Variants in CARF observed in about 807,000 individuals in gnomAD.
CARF encodes calcium responsive transcription factor, also known as calcium-responsive transcription factor.
A neutral mutation model predicts 82.0 loss-of-function variants in CARF; 57 were observed. The observed-to-expected ratio is 0.70, with a 90% CI of 0.56 to 0.87. The LOEUF (loss-of-function observed/expected upper bound fraction) is 0.87. CARF is among the 40% of genes least tolerant of loss of function. CARF has a pLI of 0.00. For synonymous variants in CARF, 268 were observed against 290.1 expected (o/e 0.92, Z 0.77); for missense variants, 771 against 855.8 (o/e 0.90, Z 1.24).
intron 5 of CARF, among the ~76,000 whole-genome samples, chr2:202,947,262 G>T (rs1574620652): frequency 6.6e-6 from 1 of 152,190 alleles, no homozygotes; most frequent in Non-Finnish European, 1.5e-5. Context: ...TAAAGAAAAT[G>T]TGGCACATAT....
At chr2:202,937,389 ATTTG>A (rs371439760) in intron 3 of CARF, among the ~76,000 whole-genome samples, 40 of 151,908 alleles carry the variant, frequency 2.6e-4, no homozygotes, top group African/African-American at 8.9e-4. Context: ...TAGAGTTGTA[ATTTG>A]TTTGCTTGCC....
intron 3 of CARF, among the ~76,000 whole-genome samples, chr2:202,930,062 T>C (rs911477777): frequency 6.6e-6 from 1 of 152,180 alleles, no homozygotes; most frequent in African/African-American, 2.4e-5. Context: ...TTTTGTTTTG[T>C]TTTGAGACAG....
intron 8 of CARF, among the ~76,000 whole-genome samples, chr2:202,956,320 A>G (rs1161617852): frequency 6.6e-6 from 1 of 151,820 alleles, no homozygotes; most frequent in Non-Finnish European, 1.5e-5. Context: ...TAGTGGTGCA[A>G]TTTCAGCTCA....
At chr2:202,936,441 T>C (rs1693965275) in intron 3 of CARF, among the ~76,000 whole-genome samples, 1 of 152,204 alleles carries the variant, frequency 6.6e-6, no homozygotes, top group African/African-American at 2.4e-5. Flanking sequence ...ATACCTTCCC[T>C]CAAGCCTCTG....
intron 2 of CARF, among the ~76,000 whole-genome samples, chr2:202,921,005 A>G (rs1275430595): frequency 6.6e-6 from 1 of 152,064 alleles, no homozygotes; most frequent in East Asian, 1.9e-4. Flanking sequence ...TCTTAGTATT[A>G]TTATTATATT....
At chr2:202,936,027 G>T (rs1367573830) in intron 3 of CARF, among the ~76,000 whole-genome samples, 1 of 151,686 alleles carries the variant, frequency 6.6e-6, no homozygotes, top group Non-Finnish European at 1.5e-5. Context: ...TCTCAGGCTG[G>T]TCTTGAACTC....
chr2:202,984,235 T>C lies in CARF; in HGVS notation c.*611T>C, dbSNP rs2060366965. On this transcript the variant is annotated 3_prime_UTR_variant, in exon 17 of 17. Transcript: ENST00000438828. ...ATTTTAGCCTCTTCCCTTCCAATTTTTGTACTTTTAACTACAAACCAGTAG... is the reference window on the plus strand; with the variant it reads ...ATTTTAGCCTCTTCCCTTCCAATTTCTGTACTTTTAACTACAAACCAGTAG... 6.6e-6 allele frequency: 1 copy of C among 152,246 alleles called. No homozygotes were observed. Among genetic ancestry groups the C allele is most frequent in the Admixed American group, 6.5e-5 (1 of 15,278 alleles). The allele number at this position is 152,246 out of a possible 1,614,324, so 9.4% of individuals were successfully genotyped here.
chr2:202,915,955 C>T (rs755088580), intron 1 of CARF, among the ~76,000 whole-genome samples: 2 of 152,014 alleles, frequency 1.3e-5, no homozygotes, highest in Non-Finnish European at 2.9e-5. Flanking sequence ...TAATTGCATG[C>T]ATTTAAAAGT....
At position 202,954,031 on chromosome 2, in the gene CARF, A is replaced by G; in HGVS notation, c.454A>G (p.Arg152Gly). The G allele has an allele frequency of 6.2e-7, 1 of 1,609,580 alleles. No homozygotes were observed. Among genetic ancestry groups the G allele is most frequent in the Non-Finnish European group, 8.5e-7 (1 of 1,178,444 alleles). Reference sequence around the variant, plus strand: ...TGTCCCTGAAGAGAAACCCAGTAACAGAAACTTACCAACTGTAAGAGTGGA... The same window carrying G: ...TGTCCCTGAAGAGAAACCCAGTAACGGAAACTTACCAACTGTAAGAGTGGA... The part of the protein sequence containing the change: ...RDVPEEKPSN[R>G]NLPTVRVDTL... The change falls in exon 7 of 17, where the codon AGA (arginine) becomes GGA (glycine). Residue 152 changes from arginine (R) to glycine (G), a missense_variant. By Grantham distance (125) the Arg-to-Gly change is moderately radical. Coordinates refer to ENST00000438828, the MANE Select transcript of CARF (RefSeq NM_024744.17).
intron 3 of CARF, among the ~76,000 whole-genome samples, chr2:202,937,930 TA>T (rs11346288): frequency 0.46 from 65,526 of 143,242 alleles, 15,297 homozygotes; most frequent in Middle Eastern, 0.69. Flanking sequence ...CAGCCAACTG[TA>T]AAAAAAAAAA....
Position 202,977,449 on chromosome 2 carries a change from C to T in CARF, c.1558+117C>T, listed in dbSNP as rs149433892. 222 of 726,656 alleles carry T rather than the reference C, an allele frequency of 3.1e-4. 1 individual carries two copies. In the African/African-American group the frequency reaches 3.2e-3, roughly 10 times the overall value. The allele number at this position is 726,656 out of a possible 1,614,324, so 45.0% of individuals were successfully genotyped here. A position where few individuals can be genotyped will look rare whatever the true frequency, so the allele number is the denominator to read the frequency against. ...AGATAAGGAAACCAGGATCCAAAGA[C>T]GTAGGAGCAGCTATGTTATGGTTTA... On this transcript the variant is annotated intron_variant, in intron 14 of 16. Transcript: ENST00000438828.
chr2:202,983,634 G>A lies in CARF; in HGVS notation c.*10G>A. 1 of 1,505,324 alleles carries A rather than the reference G, an allele frequency of 6.6e-7. No individual in the cohort carries two copies. Among genetic ancestry groups the A allele is most frequent in the Non-Finnish European group, 9.2e-7 (1 of 1,086,278 alleles). 93.2% of individuals were successfully genotyped at this position (1,505,324 alleles called of 1,614,324 possible). On this transcript the variant is annotated 3_prime_UTR_variant, in exon 17 of 17. Coordinates refer to ENST00000438828, the MANE Select transcript of CARF (RefSeq NM_024744.17). ...ATTATCTGCTACATAAATTATTGAA[G>A]CTTTTCAGAATTTACAACTCTGGTG...
rs67665417 is a variant in CARF, at chr2:202,935,324, T to TTA, written c.-43-6518_-43-6517dup. On this transcript the variant is annotated intron_variant, in intron 3 of 16. Coordinates refer to ENST00000438828, the MANE Select transcript of CARF (RefSeq NM_024744.17). Reference sequence around the variant, plus strand: ...TATATTTATATTTATATTTGTATATTTATATATATATATATATATTAGTAG... The same window carrying TTA: ...TATATTTATATTTATATTTGTATATTTATATATATATATATATATATTAGTAG... 4.0e-3 allele frequency among the ~76,000 whole-genome samples: 579 copies of TTA among 143,074 alleles called. 3 individuals are homozygous for TTA. The highest frequency in any genetic ancestry group is 0.011 in the African/African-American group (414 of 39,056). 93.9% of individuals were successfully genotyped at this position (143,074 alleles called of 152,430 possible). A position where few individuals can be genotyped will look rare whatever the true frequency, so the allele number is the denominator to read the frequency against.
At chr2:202,923,322 C>G (rs1254174487) in intron 2 of CARF, among the ~76,000 whole-genome samples, 1 of 152,178 alleles carries the variant, frequency 6.6e-6, no homozygotes, top group Non-Finnish European at 1.5e-5. Flanking sequence ...GGTAGCTCTC[C>G]TGTACACCAA....
intron 14 of CARF, among the ~76,000 whole-genome samples, chr2:202,980,088 G>A (rs1041625176): frequency 2.9e-4 from 44 of 152,236 alleles, no homozygotes; most frequent in African/African-American, 7.2e-4. Context: ...CCCCCAAGTA[G>A]CTGGGACTAC....
At chr2:202,933,517 C>T (rs1316426008) in intron 3 of CARF, among the ~76,000 whole-genome samples, 1 of 152,126 alleles carries the variant, frequency 6.6e-6, no homozygotes, top group African/African-American at 2.4e-5. Context: ...TACTGGAATC[C>T]TCTTGCTTCC....
chr2:202,958,590 C>A (rs1574684134), intron 8 of CARF, among the ~76,000 whole-genome samples: 2 of 151,962 alleles, frequency 1.3e-5, no homozygotes, highest in African/African-American at 4.8e-5. Context: ...GTTCTTTCTC[C>A]TCTCCCAAGC....
In CARF at chr2:202,974,396, T is replaced by G. The variant is rs2059939598; in HGVS notation, c.1394T>G (p.Phe465Cys). 1 of 1,610,198 alleles carries G rather than the reference T, an allele frequency of 6.2e-7. No homozygotes were observed. The highest frequency in any genetic ancestry group is 1.3e-5 in the African/African-American group (1 of 74,698). The change falls in exon 13 of 17, where the codon TTT (phenylalanine) becomes TGT (cysteine). Residue 465 changes from phenylalanine (F) to cysteine (C), a missense_variant. Physicochemically the swap from Phe to Cys is radical, Grantham distance 205 (BLOSUM62 -2). Transcript: ENST00000438828. ...GTACCTGAAAGACATAATTTATCTT[T>G]TTTTCCAACTGTAAATGATATAAAA... ...DEVPERHNLS[F>C]FPTVNDIKNH...
At chr2:202,916,479 G>A (rs889102673) in intron 1 of CARF, among the ~76,000 whole-genome samples, 7 of 151,998 alleles carry the variant, frequency 4.6e-5, no homozygotes, top group African/African-American at 7.2e-5. Context: ...CCAGCATCCC[G>A]CCGAGCAATA....
Sources: allele counts gnomAD v4.1 joint callset (sites outside exome capture counted in the v4.1 genomes callset), GRCh38; gene constraint gnomAD v4.1.1; transcripts MANE v1.5; gene names NCBI Gene and HGNC (gene_info 2026-07-23, HGNC 2026-07-21).